Variants in COMMD1 observed in about 807,000 individuals in gnomAD.
COMMD1 encodes the protein COMM domain-containing protein 1.
A neutral mutation model predicts 17.2 loss-of-function variants in COMMD1; 10 were observed. That is an observed-to-expected ratio of 0.58 (90% CI 0.36 to 0.99). The LOEUF (loss-of-function observed/expected upper bound fraction) is 0.99. COMMD1 is among the 50% of genes least tolerant of loss of function. The pLI is 0.01. For missense variants in COMMD1, 270 were observed against 231.8 expected (o/e 1.17, Z -1.07); for synonymous variants, 97 against 91.6 (o/e 1.06, Z -0.34).
rs180851071 is a variant in COMMD1, at chr2:61,945,834, T to C, written c.180+39976T>C. On this transcript the variant is annotated intron_variant, in intron 1 of 2. Coordinates refer to ENST00000311832, the MANE Select transcript of COMMD1 (RefSeq NM_152516.4). The stretch of plus-strand genomic sequence containing the variant: ...GCAGTTGGTTGAAAGTCACTGTCGG[T>C]AGAAAGGAATGTCTGGGTTAAGACA... 2.0e-5 allele frequency among the ~76,000 whole-genome samples: 3 copies of C among 152,320 alleles called. No homozygotes were observed. The East Asian group carries it at 5.8e-4, about 29-fold the overall frequency.
chr2:62,023,060 C>G (rs1669652013), intron 2 of COMMD1, among the ~76,000 whole-genome samples: 1 of 152,066 alleles, frequency 6.6e-6, no homozygotes, highest in South Asian at 2.1e-4. Context: ...AACCTCGACT[C>G]TACTAAAAAT....
intron 2 of COMMD1, among the ~76,000 whole-genome samples, chr2:62,104,250 T>C (rs925092417): frequency 2.6e-5 from 4 of 152,172 alleles, no homozygotes; most frequent in Admixed American, 6.5e-5. Context: ...CCCAACACTT[T>C]GGGAGACCAA....
chr2:61,888,480 C>G (rs763660510), upstream of COMMD1: 3 of 1,611,902 alleles, frequency 1.9e-6, no homozygotes, highest in Admixed American at 3.3e-5. Flanking sequence ...GCAGTCGCCC[C>G]GCTCCGGGGT....
intron 1 of COMMD1, among the ~76,000 whole-genome samples, chr2:61,927,892 G>A (rs1226370123): frequency 1.3e-5 from 2 of 151,890 alleles, no homozygotes; most frequent in African/African-American, 4.8e-5. Flanking sequence ...CGCCTCTCGA[G>A]TAGCTGGGAT....
chr2:62,095,066 C>T (rs1357641608), intron 2 of COMMD1, among the ~76,000 whole-genome samples: 1 of 152,204 alleles, frequency 6.6e-6, no homozygotes, highest in Admixed American at 6.5e-5. Flanking sequence ...TCCCCATACA[C>T]ATGTGCAATA....
intron 1 of COMMD1, among the ~76,000 whole-genome samples, chr2:61,924,228 A>G (rs1451814655): frequency 6.6e-6 from 1 of 152,122 alleles, no homozygotes; most frequent in Non-Finnish European, 1.5e-5. Flanking sequence ...GTTTGATTAA[A>G]TTTCTGATTT....
At chr2:62,126,611 G>A (rs982664477) in intron 2 of COMMD1, among the ~76,000 whole-genome samples, 1 of 152,006 alleles carries the variant, frequency 6.6e-6, no homozygotes, top group Non-Finnish European at 1.5e-5. Context: ...CTTTTTAATG[G>A]GTTTTTTATT....
chr2:62,030,050 A>G (rs1206791073), intron 2 of COMMD1, among the ~76,000 whole-genome samples: 1 of 152,262 alleles, frequency 6.6e-6, no homozygotes, highest in Non-Finnish European at 1.5e-5. Flanking sequence ...CAAAAAGAGT[A>G]TGATCTAATG....
chr2:62,099,309 T>C (rs1313257344), intron 2 of COMMD1, among the ~76,000 whole-genome samples: 2 of 152,200 alleles, frequency 1.3e-5, no homozygotes, highest in Admixed American at 6.5e-5. Context: ...AGATGCCACC[T>C]AAGTACGATT....
At position 62,056,447 on chromosome 2, in the gene COMMD1, GAC is replaced by G. The variant is rs1558579947; in HGVS notation, c.462+55469_462+55470del. Among the ~76,000 whole-genome samples the G allele has an allele frequency of 2.6e-5, 4 of 152,296 alleles. No individual in the cohort carries two copies. The East Asian group carries it at 5.8e-4, about 22-fold the overall frequency. On this transcript the variant is annotated intron_variant, in intron 2 of 2. Coordinates refer to ENST00000311832, the MANE Select transcript of COMMD1 (RefSeq NM_152516.4). ...GTCACCACTGGCAGCACATTTCAGT[GAC>G]ACAGAATGGGTGGCAAAACTTGCTT... is the stretch of plus-strand genomic sequence containing the variant.
chr2:61,990,393 A>G (rs1211684066), intron 1 of COMMD1, among the ~76,000 whole-genome samples: 1 of 152,226 alleles, frequency 6.6e-6, no homozygotes, highest in Non-Finnish European at 1.5e-5. Flanking sequence ...GTTGCAAGAA[A>G]TAATTCAGAG....
At chr2:62,116,102 CT>C (rs918530835) in intron 2 of COMMD1, among the ~76,000 whole-genome samples, 16 of 152,076 alleles carry the variant, frequency 1.1e-4, no homozygotes, top group African/African-American at 3.4e-4. Context: ...CTGCCTTGGC[CT>C]TCCACAGTGC....
intron 1 of COMMD1, among the ~76,000 whole-genome samples, chr2:61,975,556 G>A (rs1347194329): frequency 6.6e-6 from 1 of 151,976 alleles, no homozygotes; most frequent in Non-Finnish European, 1.5e-5. Context: ...TGCATCTATT[G>A]ATAGAATTAT....
intron 1 of COMMD1, among the ~76,000 whole-genome samples, chr2:61,943,634 A>G (rs948663468): frequency 6.6e-6 from 1 of 152,208 alleles, no homozygotes; most frequent in Admixed American, 6.5e-5. Context: ...CAGGAGTTCG[A>G]GACCAACCTG....
intron 1 of COMMD1, among the ~76,000 whole-genome samples, chr2:61,923,968 G>A (rs1670259376): frequency 6.6e-6 from 1 of 152,120 alleles, no homozygotes; most frequent in African/African-American, 2.4e-5. Flanking sequence ...GTAGAGATGG[G>A]GTTTCGCCAT....
intron 2 of COMMD1, among the ~76,000 whole-genome samples, chr2:62,100,575 A>T (rs1306974101): frequency 6.6e-6 from 1 of 152,178 alleles, no homozygotes; most frequent in Non-Finnish European, 1.5e-5. Flanking sequence ...CAGTAGGGGC[A>T]GGGAGGTACT....
chr2:61,995,069 C>CA (rs1668717281), intron 1 of COMMD1, among the ~76,000 whole-genome samples: 1 of 151,534 alleles, frequency 6.6e-6, no homozygotes, highest in African/African-American at 2.4e-5. Context: ...TTCAGTCCAA[C>CA]TACTTACTGT....
chr2:62,034,730 A>C (rs747183725), intron 2 of COMMD1, among the ~76,000 whole-genome samples: 3 of 152,172 alleles, frequency 2.0e-5, no homozygotes, highest in Non-Finnish European at 4.4e-5. Context: ...ATGACTGGTA[A>C]GGTTTTCTCA....
At chr2:61,906,931 T>G (rs922819852) in intron 1 of COMMD1, among the ~76,000 whole-genome samples, 1 of 152,212 alleles carries the variant, frequency 6.6e-6, no homozygotes, top group African/African-American at 2.4e-5. Flanking sequence ...TTTTTTAAAC[T>G]GATTTTGCCT....
Sources: allele counts gnomAD v4.1 joint callset (sites outside exome capture counted in the v4.1 genomes callset), GRCh38; gene constraint gnomAD v4.1.1; transcripts MANE v1.5; gene names NCBI Gene and HGNC (gene_info 2026-07-23, HGNC 2026-07-21).